The following FOXO1 variants were observed in gnomAD, a reference collection of about 807,000 sequenced individuals.
FOXO1 encodes the protein forkhead box protein O1.
Under a neutral mutation model 44.1 loss-of-function variants are expected in FOXO1, and 6 were observed. The observed-to-expected ratio is 0.14, with a 90% CI of 0.07 to 0.27. The LOEUF (loss-of-function observed/expected upper bound fraction) is 0.27, where lower values mean the gene tolerates loss of function less well. FOXO1 is among the 10% of genes least tolerant of loss of function. FOXO1 has a pLI of 1.00. For synonymous variants in FOXO1, 380 were observed against 362.7 expected, an observed-to-expected ratio of 1.05 and a Z score of -0.54; for missense variants, 737 against 888.8, an observed-to-expected ratio of 0.83 and a Z score of 2.17.
intron 1 of FOXO1, among the ~76,000 whole-genome samples, chr13:40,580,652 A>C (rs1400797960): frequency 6.6e-6 from 1 of 152,210 alleles, no homozygotes; most frequent in Non-Finnish European, 1.5e-5. Flanking sequence ...GGCTCCAAGC[A>C]AGGCACACCT....
intron 1 of FOXO1, among the ~76,000 whole-genome samples, chr13:40,607,010 C>G (rs1876023097): frequency 6.6e-6 from 1 of 152,164 alleles, no homozygotes; most frequent in Non-Finnish European, 1.5e-5. Context: ...TGTAGTTAGG[C>G]CCCCAAAAAA....
At chr13:40,598,663 A>C (rs1382481707) in intron 1 of FOXO1, among the ~76,000 whole-genome samples, 1 of 151,772 alleles carries the variant, frequency 6.6e-6, no homozygotes, top group Non-Finnish European at 1.5e-5. Context: ...TGCCCTTCCT[A>C]ATGTCCCATC....
At position 40,665,584 on chromosome 13, in the gene FOXO1, T is replaced by C; in HGVS notation, c.629A>G (p.Lys210Arg). 1 of 1,419,552 alleles carries C rather than the reference T, an allele frequency of 7.0e-7. No individual in the cohort carries two copies. Among genetic ancestry groups the C allele is most frequent in the South Asian group, 1.6e-5 (1 of 63,202 alleles). The allele number at this position is 1,419,552 out of a possible 1,614,324, so 87.9% of individuals were successfully genotyped here. ...KGDSNSSAGW[K>R]NSIRHNLSLH... ...CGGCCGCGCGCCGAGTCCACTCACCTTCCAGCCCGCCGAGCTGTTGCTGTC... is the reference window on the plus strand; with the variant it reads ...CGGCCGCGCGCCGAGTCCACTCACCCTCCAGCCCGCCGAGCTGTTGCTGTC... The change falls in exon 1 of 3, where the codon AAG becomes AGG. Residue 210 changes from lysine to arginine, a missense_variant and splice_region_variant. Physicochemically the swap from Lys to Arg is conservative, Grantham distance 26 (BLOSUM62 2). Around this residue, in one of 7 missense-constraint regions of FOXO1, gnomAD observed 49 missense variants for 50.2 expected, o/e 0.98. Coordinates refer to ENST00000379561, the MANE Select transcript of FOXO1 (RefSeq NM_002015.4).
intron 1 of FOXO1, among the ~76,000 whole-genome samples, chr13:40,656,197 T>A (rs1284971906): frequency 6.6e-6 from 1 of 152,220 alleles, no homozygotes; most frequent in East Asian, 1.9e-4. Flanking sequence ...TCTTCATTCT[T>A]GCATTTGGGT....
At chr13:40,608,849 T>C (rs950805028) in intron 1 of FOXO1, among the ~76,000 whole-genome samples, 2 of 152,192 alleles carry the variant, frequency 1.3e-5, no homozygotes, top group Non-Finnish European at 2.9e-5. Flanking sequence ...TAAAGTAAGA[T>C]TTGTCATGAT....
At chr13:40,613,870 T>C (rs1876322026) in intron 1 of FOXO1, among the ~76,000 whole-genome samples, 1 of 152,128 alleles carries the variant, frequency 6.6e-6, no homozygotes, top group Non-Finnish European at 1.5e-5. Flanking sequence ...GCTGGTACCA[T>C]TAAATGGCTT....
intron 1 of FOXO1, among the ~76,000 whole-genome samples, chr13:40,627,683 A>G (rs1876828624): frequency 6.6e-6 from 1 of 152,070 alleles, no homozygotes; most frequent in African/African-American, 2.4e-5. Flanking sequence ...AAACACCAAA[A>G]TTAGCCAGGC....
At chr13:40,585,982 CT>C (rs1214022829) in intron 1 of FOXO1, among the ~76,000 whole-genome samples, 2 of 152,196 alleles carry the variant, frequency 1.3e-5, no homozygotes, top group Non-Finnish European at 2.9e-5. Flanking sequence ...GACCTGTGAA[CT>C]CCCTCCTCAT....
At chr13:40,607,902 C>T (rs1168648421) in intron 1 of FOXO1, among the ~76,000 whole-genome samples, 1 of 152,230 alleles carries the variant, frequency 6.6e-6, no homozygotes, top group Non-Finnish European at 1.5e-5. Flanking sequence ...CTGGGGTTCC[C>T]CCAATTGGTA....
chr13:40,571,896 G>A (rs372888104), intron 1 of FOXO1, among the ~76,000 whole-genome samples: 2 of 152,136 alleles, frequency 1.3e-5, no homozygotes, highest in Non-Finnish European at 2.9e-5. Flanking sequence ...AACAAAGAAC[G>A]CATTAGGATC....
intron 1 of FOXO1, among the ~76,000 whole-genome samples, chr13:40,656,918 C>T (rs1247379980): frequency 6.6e-6 from 1 of 151,952 alleles, no homozygotes; most frequent in African/African-American, 2.4e-5. Context: ...GTAAGCTCCG[C>T]CTCCTGGATT....
intron 1 of FOXO1, among the ~76,000 whole-genome samples, chr13:40,593,838 T>C (rs887930716): frequency 6.6e-6 from 1 of 152,198 alleles, no homozygotes; most frequent in Non-Finnish European, 1.5e-5. Flanking sequence ...TTTCAAGTGC[T>C]CAACTTTTGG....
intron 1 of FOXO1, among the ~76,000 whole-genome samples, chr13:40,600,324 T>C (rs1397913892): frequency 6.6e-6 from 1 of 152,180 alleles, no homozygotes; most frequent in Non-Finnish European, 1.5e-5. Flanking sequence ...CATCTGTGTG[T>C]GTGTCAAGGT....
intron 1 of FOXO1, among the ~76,000 whole-genome samples, chr13:40,596,632 AG>A (rs1875587307): frequency 6.6e-6 from 1 of 152,190 alleles, no homozygotes; most frequent in Non-Finnish European, 1.5e-5. Flanking sequence ...GTGAGCATCT[AG>A]GGTTAGGATT....
chr13:40,664,830 A>C (rs374397313), intron 1 of FOXO1, among the ~76,000 whole-genome samples: 10 of 124,626 alleles, frequency 8.0e-5, no homozygotes, highest in East Asian at 3.1e-4. Flanking sequence ...CGCCACCGCC[A>C]CCGCCCGCGC....
intron 1 of FOXO1, among the ~76,000 whole-genome samples, chr13:40,665,003 C>T (rs565492076): frequency 1.6e-4 from 25 of 152,044 alleles, no homozygotes; most frequent in Admixed American, 1.0e-3. Flanking sequence ...AAAACCAAAA[C>T]AAAGCAAAAT....
chr13:40,584,469 C>CAAAAAAAAAAAAAAAAAAAAAAAA (rs55733141), intron 1 of FOXO1, among the ~76,000 whole-genome samples: 1 of 63,130 alleles, frequency 1.6e-5, no homozygotes, highest in Non-Finnish European at 2.6e-5. Flanking sequence ...ACAAAAAATG[C>CAAAAAAAAAAAAAAAAAAAAAAAA]AAAAAAAAAA....
At chr13:40,571,691 A>G (rs1046149395) in intron 1 of FOXO1, among the ~76,000 whole-genome samples, 3 of 152,230 alleles carry the variant, frequency 2.0e-5, no homozygotes, top group Non-Finnish European at 4.4e-5. Context: ...GCCCCACCAC[A>G]GGAGAATATT....
intron 1 of FOXO1, among the ~76,000 whole-genome samples, chr13:40,662,885 T>C (rs1878081199): frequency 6.6e-6 from 1 of 152,218 alleles, no homozygotes; most frequent in African/African-American, 2.4e-5. Context: ...CTTTTATGAC[T>C]CTTAGAACAG....
Sources: allele counts gnomAD v4.1 joint callset (sites outside exome capture counted in the v4.1 genomes callset), GRCh38; gene constraint gnomAD v4.1.1; regional missense constraint gnomAD v4.1.1; transcripts MANE v1.5; gene names NCBI Gene and HGNC (gene_info 2026-07-23, HGNC 2026-07-21).